TEX9: variants seen among roughly 807,000 people sequenced by gnomAD.
The protein encoded by TEX9 is testis expressed 9, also known as testis-expressed protein 9.
A neutral mutation model predicts 59.6 loss-of-function variants in TEX9; 74 were observed. That is an observed-to-expected ratio of 1.24 (90% CI 1.03 to 1.51). The LOEUF (loss-of-function observed/expected upper bound fraction) is 1.51, where lower values mean the gene tolerates loss of function less well. Among genes scored for constraint, TEX9 ranks in the 40% most tolerant of loss-of-function variants. The pLI, the probability that TEX9 is intolerant of heterozygous loss-of-function variation, is 0.00. For synonymous variants in TEX9, 186 were observed against 152.2 expected (o/e 1.22, Z -1.64); for missense variants, 522 against 447.8 (o/e 1.17, Z -1.49).
chr15:56,269,007 G>GT (rs1482846423), intron 1 of TEX9, among the ~76,000 whole-genome samples: 1 of 152,120 alleles, frequency 6.6e-6, no homozygotes, highest in Non-Finnish European at 1.5e-5. Context: ...TTCAGATCCT[G>GT]TTATTGGTCT....
At chr15:56,391,510 T>C in intron 7 of TEX9, 92 bp downstream of exon 7, 1 of 842,328 alleles carries the variant, frequency 1.2e-6, no homozygotes, top group East Asian at 2.9e-5. Flanking sequence ...TTTAAAAAAA[T>C]GTATTGTGAT....
At chr15:56,416,561 A>G (rs2049696935) in intron 10 of TEX9, among the ~76,000 whole-genome samples, 1 of 151,946 alleles carries the variant, frequency 6.6e-6, no homozygotes. Context: ...AATGAAGTCT[A>G]CTTGATCATG....
At chr15:56,265,578 C>T (rs750393312) in intron 1 of TEX9, among the ~76,000 whole-genome samples, 61 of 152,212 alleles carry the variant, frequency 4.0e-4, no homozygotes, top group Admixed American at 8.5e-4. Flanking sequence ...GATTCAATTG[C>T]AACTATTTTC....
intron 10 of TEX9, among the ~76,000 whole-genome samples, chr15:56,423,084 G>C (rs2050060762): frequency 1.3e-5 from 2 of 152,114 alleles, no homozygotes; most frequent in African/African-American, 4.8e-5. Flanking sequence ...CTTTTGGCTA[G>C]TATGAGTTGC....
rs556469492 is a variant in TEX9, at chr15:56,270,068, A to G, written c.-107+25790A>G. 2.6e-5 allele frequency among the ~76,000 whole-genome samples: 4 copies of G among 152,280 alleles called. No individual in the cohort carries two copies. The South Asian group carries it at 8.3e-4, about 32-fold the overall frequency. ...GCTGAGGAGTGCTTTACTTCCAACTATGTGGTCAATTTTGGGATAATTGTG... is the reference window on the plus strand; with the variant it reads ...GCTGAGGAGTGCTTTACTTCCAACTGTGTGGTCAATTTTGGGATAATTGTG... On this transcript the variant is annotated intron_variant, in intron 1 of 5. Transcript: ENST00000560827.
At chr15:56,391,817 A>G (rs1010689533) in intron 7 of TEX9, among the ~76,000 whole-genome samples, 6 of 152,190 alleles carry the variant, frequency 3.9e-5, no homozygotes, top group African/African-American at 9.6e-5. Context: ...TACTGTTAAT[A>G]TATTTTATTT....
At chr15:56,355,342 C>G (rs1156435432) in intron 1 of TEX9, among the ~76,000 whole-genome samples, 1 of 152,070 alleles carries the variant, frequency 6.6e-6, no homozygotes, top group African/African-American at 2.4e-5. Context: ...ATATATGGAT[C>G]AAGATTAGCT....
At chr15:56,252,496 A>G (rs1357474484) in intron 1 of TEX9, among the ~76,000 whole-genome samples, 3 of 151,088 alleles carry the variant, frequency 2.0e-5, no homozygotes, top group Non-Finnish European at 4.4e-5. Flanking sequence ...AGCTGAGAAC[A>G]TAGTTAATTT....
rs2046965052 is a variant in TEX9, at chr15:56,366,768, TCGTATGATCTA to T, written c.119+1100_119+1110del. ...GTATCAGAGGGTTAAACTAGAGTTA[TCGTATGATCTA>T]CATATGATCTATAAGCATATTTGAA... On this transcript the variant is annotated intron_variant, in intron 2 of 12. Coordinates refer to ENST00000352903, the Ensembl canonical transcript of TEX9. Among the ~76,000 whole-genome samples the T allele has an allele frequency of 3.3e-5, 5 of 152,316 alleles. No homozygotes were observed. The South Asian group carries it at 1.0e-3, about 32-fold the overall frequency.
At chr15:56,335,956 A>T (rs2046248530) in intron 1 of TEX9, among the ~76,000 whole-genome samples, 2 of 152,176 alleles carry the variant, frequency 1.3e-5, no homozygotes, top group African/African-American at 4.8e-5. Flanking sequence ...ATTCAACTTC[A>T]TGTGTTTCAT....
chr15:56,267,206 C>T (rs144547237), intron 1 of TEX9, among the ~76,000 whole-genome samples: 176 of 152,236 alleles, frequency 1.2e-3, no homozygotes, highest in African/African-American at 4.1e-3. Context: ...TGTTTAAGTT[C>T]TTTGTGGATT....
At chr15:56,245,058 C>CAGAAA (rs2043815573) in intron 1 of TEX9, among the ~76,000 whole-genome samples, 1 of 152,110 alleles carries the variant, frequency 6.6e-6, no homozygotes, top group Non-Finnish European at 1.5e-5. Flanking sequence ...GAGTGTCTAT[C>CAGAAA]AGGTTTCTAC....
chr15:56,294,704 T>A (rs2141525416), intron 1 of TEX9, among the ~76,000 whole-genome samples: 1 of 152,266 alleles, frequency 6.6e-6, no homozygotes, highest in South Asian at 2.1e-4. Context: ...TGTGAGGGGC[T>A]TGAGAGTAGC....
At chr15:56,455,275 T>C in the TEX9 span, among the ~76,000 whole-genome samples, 1 of 129,968 alleles carries the variant, frequency 7.7e-6, no homozygotes, top group Non-Finnish European at 1.6e-5. Flanking sequence ...AAAAAAACCA[T>C]GAGTAACAGC....
chr15:56,274,672 A>C (rs1367163345), intron 1 of TEX9: 1 of 152,132 alleles, frequency 6.6e-6, no homozygotes, highest in African/African-American at 2.4e-5. Context: ...GAGAGTGTGT[A>C]GAACAGTAAG....
intron 1 of TEX9, among the ~76,000 whole-genome samples, chr15:56,339,538 A>G (rs2046334272): frequency 6.6e-6 from 1 of 151,910 alleles, no homozygotes; most frequent in South Asian, 2.1e-4. Context: ...TGCCAGATTA[A>G]TAAGCCCATA....
chr15:56,345,891 G>A (rs2046460993), intron 1 of TEX9, among the ~76,000 whole-genome samples: 2 of 152,172 alleles, frequency 1.3e-5, no homozygotes, highest in African/African-American at 4.8e-5. Flanking sequence ...GCCAATGGAT[G>A]TCCGTGGCTG....
intron 1 of TEX9, among the ~76,000 whole-genome samples, chr15:56,340,808 G>T (rs2046358757): frequency 6.6e-6 from 1 of 152,130 alleles, no homozygotes; most frequent in African/African-American, 2.4e-5. Context: ...AGACAGGAGT[G>T]GGTGACAGAT....
At chr15:56,423,569 A>G (rs1443119248) in intron 10 of TEX9, among the ~76,000 whole-genome samples, 2 of 152,110 alleles carry the variant, frequency 1.3e-5, no homozygotes, top group Non-Finnish European at 2.9e-5. Context: ...AAATATACAA[A>G]TAAGTTTGTT....
Sources: gnomAD v4.1 joint callset for allele counts (sites outside exome capture counted in the v4.1 genomes callset) on GRCh38, gnomAD v4.1.1 for gene constraint, MANE v1.5 for transcripts, NCBI Gene and HGNC (gene_info 2026-07-23, HGNC 2026-07-21) for gene names.